The following TTBK1 variants were observed in gnomAD, a reference collection of about 807,000 sequenced individuals.
TTBK1 encodes the protein tau tubulin kinase 1.
In TTBK1, 34 loss-of-function variants were observed where a neutral mutation model predicts 108.5. That is an observed-to-expected ratio of 0.31 (90% CI 0.24 to 0.42). TTBK1 has a LOEUF of 0.42. Among genes scored for constraint, TTBK1 ranks in the 10% least tolerant of loss-of-function variants. The pLI is 1.00. For synonymous variants in TTBK1, 809 were observed against 795.1 expected, an observed-to-expected ratio of 1.02 and a Z score of -0.29; for missense variants, 1,539 against 1,826.0, an observed-to-expected ratio of 0.84 and a Z score of 2.86.
At chr6:43,264,003 A>G (rs2841666) in intron 13 of TTBK1, among the ~76,000 whole-genome samples, 83,159 of 151,808 alleles carry the variant, frequency 0.55, 24,831 homozygotes, top group African/African-American at 0.8. Context: ...TAGGTCAAGC[A>G]GGCTGTGATG....
chr6:43,274,443 A>G (rs1777911198), intron 13 of TTBK1, among the ~76,000 whole-genome samples: 1 of 152,130 alleles, frequency 6.6e-6, no homozygotes, highest in Admixed American at 6.5e-5. Context: ...GGTAGGCAGA[A>G]GGAGCTGTGT....
At chr6:43,255,331 A>G (rs184760338) in intron 7 of TTBK1, among the ~76,000 whole-genome samples, 1 of 151,430 alleles carries the variant, frequency 6.6e-6, no homozygotes, top group Admixed American at 6.6e-5. Flanking sequence ...CTCACTACAG[A>G]CCCCTGTCCG....
intron 13 of TTBK1, among the ~76,000 whole-genome samples, chr6:43,275,409 G>T (rs1230453967): frequency 6.6e-6 from 1 of 152,034 alleles, no homozygotes; most frequent in Non-Finnish European, 1.5e-5. Context: ...TTTCCCTGCT[G>T]CTGGCTGGCG....
At chr6:43,255,003 G>A (rs1358239142) in intron 6 of TTBK1, 46 bp from the exon 7 acceptor site, 1 of 1,588,912 alleles carries the variant, frequency 6.3e-7, no homozygotes, top group Admixed American at 1.7e-5. Flanking sequence ...AGGTGGCTGA[G>A]GTGAGGGCAT....
intron 13 of TTBK1, among the ~76,000 whole-genome samples, chr6:43,281,771 C>A (rs991441906): frequency 6.6e-6 from 1 of 152,198 alleles, no homozygotes; most frequent in African/African-American, 2.4e-5. Context: ...ATCGTCAGCA[C>A]CGTCCCACCA....
At chr6:43,275,052 C>G (rs1228777883) in intron 13 of TTBK1, among the ~76,000 whole-genome samples, 1 of 152,164 alleles carries the variant, frequency 6.6e-6, no homozygotes, top group Non-Finnish European at 1.5e-5. Flanking sequence ...CTAACCGGCC[C>G]TCACGCACTC....
chr6:43,255,828 T>TCGACTACTTCACCAAGCC lies in TTBK1; in HGVS notation c.841_858dup (p.Phe281_Tyr286dup), dbSNP rs1365920155. 2 of 1,614,080 alleles carry TCGACTACTTCACCAAGCC rather than the reference T, an allele frequency of 1.2e-6. No homozygotes were observed. Among genetic ancestry groups the TCGACTACTTCACCAAGCC allele is most frequent in the Non-Finnish European group, 1.7e-6 (2 of 1,180,010 alleles). ...CTCTTCCTGGACCACATTGCCAGCC[T>TCGACTACTTCACCAAGCC]CGACTACTTCACCAAGCCCGACTAC... On this transcript the variant is annotated inframe_insertion, in exon 9 of 15. Transcript: ENST00000259750.
intron 2 of TTBK1, among the ~76,000 whole-genome samples, chr6:43,247,791 C>T (rs939796331): frequency 2.0e-5 from 3 of 152,266 alleles, no homozygotes; most frequent in East Asian, 3.9e-4. Context: ...CGTGCAAGTC[C>T]CCTAGAAACC....
Position 43,259,717 on chromosome 6 carries a change from G to T in TTBK1, c.1424+11G>T. The T allele has an allele frequency of 1.3e-6, 2 of 1,563,186 alleles. No individual in the cohort carries two copies. The highest frequency in any genetic ancestry group is 2.3e-5 in the East Asian group (1 of 43,006). ...GCTACCTGAGAGGAGGTGGGTCTGG[G>T]GCCAGGGGCATGGTTGGGGCCCAAG... On this transcript the variant is annotated intron_variant, in intron 12 of 14. Transcript: ENST00000259750. This position sits in a 1 kb window ranked among gnomAD's most constrained non-coding sequence, Gnocchi z 6.7.
At position 43,259,582 on chromosome 6, in the gene TTBK1, C is replaced by A. The variant is rs1237344057; in HGVS notation, c.1300C>A (p.Pro434Thr). The A allele has an allele frequency of 6.2e-7, 1 of 1,609,708 alleles. No individual in the cohort carries two copies. The highest frequency in any genetic ancestry group is 8.5e-7 in the Non-Finnish European group (1 of 1,178,174). ...CCGAGGCATGGGGGTCCCCAGCTCC[C>A]CAGTGCGTGCCCCCCCAGACTCCCC... is the stretch of plus-strand genomic sequence containing the variant. The part of the protein sequence containing the change: ...QSRGMGVPSS[P>T]VRAPPDSPTT... The change falls in exon 12 of 15, where the codon CCA becomes ACA. Residue 434 changes from proline (P) to threonine (T), a missense_variant. By Grantham distance (38) the Pro-to-Thr change is conservative. Around this residue, in one of 5 missense-constraint regions of TTBK1, gnomAD observed 277 missense variants for 332.4 expected, o/e 0.83. Coordinates refer to ENST00000259750, the MANE Select transcript of TTBK1 (RefSeq NM_032538.3). The surrounding 1 kb of genome is among the most constrained non-coding windows in gnomAD (Gnocchi z 6.7).
At chr6:43,247,865 AG>A (rs1241858989) in intron 2 of TTBK1, 8 of 152,272 alleles carry the variant, frequency 5.3e-5, no homozygotes, top group African/African-American at 1.9e-4. Flanking sequence ...TGGGAGTGGA[AG>A]GGATGAAGAG....
Position 43,263,266 on chromosome 6 carries a change from G to A in TTBK1, c.1902G>A (p.Thr634=), listed in dbSNP as rs777163920. ...DGRSETSQPP[T]PGSPSHSPLH... is the part of the protein sequence containing the mutation. The stretch of plus-strand genomic sequence containing the variant: ...GTTCCGAGACGTCACAGCCCCCCAC[G>A]CCTGGCAGCCCTTCCCACTCACCCC... Residue 634 remains threonine (T), a synonymous_variant, in exon 13 of 15, where the codon ACG becomes ACA. Coordinates refer to ENST00000259750, the MANE Select transcript of TTBK1 (RefSeq NM_032538.3). This position sits in a 1 kb window ranked among gnomAD's most constrained non-coding sequence, Gnocchi z 4.7. The A allele has an allele frequency of 1.2e-5, 19 of 1,537,782 alleles. No individual in the cohort carries two copies. In the South Asian group the frequency reaches 2.3e-4, roughly 19 times the overall value.
intron 13 of TTBK1, chr6:43,271,512 A>C (rs1777834275): frequency 1.0e-6 from 1 of 985,364 alleles, no homozygotes; most frequent in Non-Finnish European, 1.2e-6. Context: ...CTCTCATCCC[A>C]GCTTCACTCT....
chr6:43,280,697 G>A (rs1778132690), intron 13 of TTBK1, among the ~76,000 whole-genome samples: 1 of 152,180 alleles, frequency 6.6e-6, no homozygotes, highest in Non-Finnish European at 1.5e-5. Flanking sequence ...TAGGACAATA[G>A]GTGGGAGATT....
chr6:43,268,739 C>A (rs1777744949), intron 13 of TTBK1, among the ~76,000 whole-genome samples: 1 of 152,164 alleles, frequency 6.6e-6, no homozygotes, highest in South Asian at 2.1e-4. Context: ...TCTGCCCAGC[C>A]CTGTACACAA....
chr6:43,259,363 G>A lies in TTBK1; in HGVS notation c.1248+94G>A, dbSNP rs1319625913. On this transcript the variant is annotated intron_variant, in intron 11 of 14. Coordinates refer to ENST00000259750, the MANE Select transcript of TTBK1 (RefSeq NM_032538.3). The surrounding 1 kb of genome is among the most constrained non-coding windows in gnomAD (Gnocchi z 6.7). ...CTGCCCTGTTCCTCCTAAGCACCCTGTCCCCGGCCATCTGCCTGCTTGCCC... is the reference window on the plus strand; with the variant it reads ...CTGCCCTGTTCCTCCTAAGCACCCTATCCCCGGCCATCTGCCTGCTTGCCC... 3 of 1,302,840 alleles carry A rather than the reference G, an allele frequency of 2.3e-6. No individual in the cohort carries two copies. Among genetic ancestry groups the A allele is most frequent in the African/African-American group, 3.0e-5 (2 of 67,066 alleles). 80.7% of individuals were successfully genotyped at this position (1,302,840 alleles called of 1,614,324 possible).
At chr6:43,271,326 A>G in intron 13 of TTBK1, 3 of 985,518 alleles carry the variant, frequency 3.0e-6, no homozygotes, top group Non-Finnish European at 3.6e-6. Flanking sequence ...AAGGGCTGCC[A>G]TGGATGAATG....
chr6:43,253,539 G>C lies in TTBK1; in HGVS notation c.331-29G>C. The stretch of plus-strand genomic sequence containing the variant: ...TGTCTGGGATGATGGCTGAGGGTGA[G>C]TCTACCCCCCACCTCCACCCCCATG... On this transcript the variant is annotated intron_variant, in intron 4 of 14. Transcript: ENST00000259750. The surrounding 1 kb of genome is among the most constrained non-coding windows in gnomAD (Gnocchi z 5.8). The C allele has an allele frequency of 6.3e-7, 1 of 1,593,274 alleles. No homozygotes were observed. Among genetic ancestry groups the C allele is most frequent in the Non-Finnish European group, 8.5e-7 (1 of 1,169,792 alleles).
Position 43,263,402 on chromosome 6 carries a change from G to T in TTBK1, c.1986+52G>T. 7.0e-7 allele frequency: 1 copy of T among 1,435,682 alleles called. No homozygotes were observed. The highest frequency in any genetic ancestry group is 9.2e-7 in the Non-Finnish European group (1 of 1,087,672). The allele number at this position is 1,435,682 out of a possible 1,614,324, so 88.9% of individuals were successfully genotyped here. On this transcript the variant is annotated intron_variant, in intron 13 of 14. Transcript: ENST00000259750. The surrounding 1 kb of genome is among the most constrained non-coding windows in gnomAD (Gnocchi z 4.7). ...CCATCTCCAGATGCCCAGAGTCCTG[G>T]TGTGTAGGCCTGGGGTGCTCCATGT... is the stretch of plus-strand genomic sequence containing the variant.
Sources: allele counts gnomAD v4.1 joint callset (sites outside exome capture counted in the v4.1 genomes callset), GRCh38; gene constraint gnomAD v4.1.1; regional missense constraint gnomAD v4.1.1; non-coding constraint Gnocchi (gnomAD v3.1); transcripts MANE v1.5; gene names NCBI Gene and HGNC (gene_info 2026-07-23, HGNC 2026-07-21).